VAV2: variants seen among roughly 807,000 people sequenced by gnomAD.
VAV2 encodes guanine nucleotide exchange factor VAV2.
A neutral mutation model predicts 132.5 loss-of-function variants in VAV2; 67 were observed. That is an observed-to-expected ratio of 0.51 (90% CI 0.42 to 0.62). The LOEUF (loss-of-function observed/expected upper bound fraction) is 0.62, where lower values mean the gene tolerates loss of function less well. Ranked by LOEUF, VAV2 falls within the 20% of genes least tolerant of loss-of-function variation. The probability of loss-of-function intolerance (pLI) is 0.00; values close to 1 mark genes in which losing one functional copy is unlikely to be tolerated. For missense variants in VAV2, 938 were observed against 1,153.6 expected (o/e 0.81, Z 2.71); for synonymous variants, 492 against 443.5 (o/e 1.11, Z -1.37).
At chr9:133,782,635 G>A (rs1236798102) in intron 19 of VAV2, among the ~76,000 whole-genome samples, 1 of 152,244 alleles carries the variant, frequency 6.6e-6, no homozygotes, top group African/African-American at 2.4e-5. Flanking sequence ...AAGCTGGCCT[G>A]ACTTGTTTTT....
At position 133,802,318 on chromosome 9, in the gene VAV2, G is replaced by A. The variant is rs569093291; in HGVS notation, c.836+3763C>T. On this transcript the variant is annotated intron_variant, in intron 9 of 29. Coordinates refer to ENST00000371850, the MANE Select transcript of VAV2 (RefSeq NM_001134398.2). This position sits in a 1 kb window ranked among gnomAD's most constrained non-coding sequence, Gnocchi z 5.8. ...CATGTGCACACAAACACACAAGCACGCGTGTACACACACACACACACACAC... is the reference window on the plus strand; with the variant it reads ...CATGTGCACACAAACACACAAGCACACGTGTACACACACACACACACACAC... Among the ~76,000 whole-genome samples the A allele has an allele frequency of 2.8e-3, 284 of 103,218 alleles. No homozygotes were observed. The highest frequency in any genetic ancestry group is 8.8e-3 in the African/African-American group (218 of 24,804). The allele number at this position is 103,218 out of a possible 152,430, so 67.7% of individuals were successfully genotyped here.
intron 4 of VAV2, among the ~76,000 whole-genome samples, chr9:133,828,710 C>T (rs933545196): frequency 6.6e-6 from 1 of 152,202 alleles, no homozygotes; most frequent in Non-Finnish European, 1.5e-5. Context: ...CGGGGAACTT[C>T]CACAATTCTG....
rs201765993 is a variant in VAV2, at chr9:133,776,003, T to C, written c.2018+25A>G. The C allele has an allele frequency of 4.7e-4, 741 of 1,593,222 alleles. 1 individual carries two copies. Among genetic ancestry groups the C allele is most frequent in the Non-Finnish European group, 4.9e-4 (569 of 1,166,752 alleles). Reference sequence around the variant, plus strand: ...TAACAAAGAGGCCACCAGATGCCCATGTCTGCAGCCCACGATCCACTCACC... The same window carrying C: ...TAACAAAGAGGCCACCAGATGCCCACGTCTGCAGCCCACGATCCACTCACC... On this transcript the variant is annotated intron_variant, in intron 24 of 29. Transcript: ENST00000371850.
chr9:133,972,371 G>A (rs1383880508), intron 1 of VAV2, among the ~76,000 whole-genome samples: 2 of 152,240 alleles, frequency 1.3e-5, no homozygotes, highest in Admixed American at 6.5e-5. Context: ...CAGGCGCTGC[G>A]ATGCTGGGGC....
intron 2 of VAV2, among the ~76,000 whole-genome samples, chr9:133,907,201 G>A (rs1236612907): frequency 2.6e-5 from 4 of 152,190 alleles, no homozygotes; most frequent in Non-Finnish European, 5.9e-5. Context: ...AGACACATGC[G>A]GCCCCAGCAC....
chr9:133,958,866 G>T (rs946891813), intron 1 of VAV2, among the ~76,000 whole-genome samples: 1 of 152,230 alleles, frequency 6.6e-6, no homozygotes, highest in Non-Finnish European at 1.5e-5. Flanking sequence ...CCAGGCACCA[G>T]GAAGAAAGCC....
At chr9:133,806,034 G>A (rs1268047633) in intron 9 of VAV2, 47 bp downstream of exon 9, 10 of 1,573,694 alleles carry the variant, frequency 6.4e-6, no homozygotes, top group East Asian at 4.6e-5. Context: ...AAACTCTCCC[G>A]CAGACAGGGA....
chr9:133,848,396 G>A (rs1347278659), intron 3 of VAV2, among the ~76,000 whole-genome samples: 2 of 152,096 alleles, frequency 1.3e-5, no homozygotes, highest in Non-Finnish European at 2.9e-5. Context: ...CCTGGCAGGC[G>A]CTGGAGTAGA....
intron 3 of VAV2, among the ~76,000 whole-genome samples, chr9:133,851,847 G>A (rs114246002): frequency 0.014 from 2,068 of 150,390 alleles, 51 homozygotes; most frequent in African/African-American, 0.047. Context: ...ACAAATGGGT[G>A]GATGGATGGA....
In VAV2 at chr9:133,780,696, G is replaced by C. The variant is rs776654627; in HGVS notation, c.1738C>G (p.Leu580Val). Residue 580 changes from leucine to valine, a missense_variant and splice_region_variant, in exon 20 of 30, where the codon CTG (leucine) becomes GTG (valine). Leu to Val is a conservative substitution (Grantham distance 32). Transcript: ENST00000371850. The stretch of plus-strand genomic sequence containing the variant: ...GGGGAAACACTCTGGGGACTTACCA[G>C]ATCTGCAGGAGAAGCTGGAAAGGAA... ...PPCKFTSPAD[L>V]DASGAGPGPK... 3.9e-6 allele frequency: 5 copies of C among 1,273,284 alleles called. No homozygotes were observed. In the African/African-American group the frequency reaches 6.2e-5, roughly 16 times the overall value. The allele number at this position is 1,273,284 out of a possible 1,614,324, so 78.9% of individuals were successfully genotyped here.
chr9:133,937,219 T>C (rs1296991838), intron 2 of VAV2, among the ~76,000 whole-genome samples: 1 of 152,140 alleles, frequency 6.6e-6, no homozygotes, highest in Non-Finnish European at 1.5e-5. Flanking sequence ...TGAATGTGTG[T>C]GATATGTCCG....
chr9:133,780,031 C>T (rs1564338054), intron 20 of VAV2, 92 bp from the exon 21 acceptor site: 2 of 1,555,128 alleles, frequency 1.3e-6, no homozygotes. Context: ...CCTGTCCCCA[C>T]TAGTTCCTAG....
At chr9:133,775,136 C>T in intron 24 of VAV2, 85 bp from the exon 25 acceptor site, 1 of 1,123,056 alleles carries the variant, frequency 8.9e-7, no homozygotes, top group Admixed American at 2.2e-5. Flanking sequence ...TGGCAGGCCA[C>T]ATGAAGTACT....
At chr9:133,917,588 C>T (rs1314077653) in intron 2 of VAV2, among the ~76,000 whole-genome samples, 1 of 152,194 alleles carries the variant, frequency 6.6e-6, no homozygotes, top group African/African-American at 2.4e-5. Context: ...AGAGGCCATG[C>T]AGTTGGGACT....
chr9:133,798,581 C>T (rs1359030731), intron 9 of VAV2, among the ~76,000 whole-genome samples: 1 of 152,192 alleles, frequency 6.6e-6, no homozygotes, highest in Admixed American at 6.5e-5. Context: ...CCTCTGGAGC[C>T]TCAGGGTCTT....
At chr9:133,846,379 G>A (rs971390031) in intron 3 of VAV2, among the ~76,000 whole-genome samples, 10 of 152,152 alleles carry the variant, frequency 6.6e-5, no homozygotes, top group South Asian at 4.1e-4. Flanking sequence ...ACAACCCTCC[G>A]CCACTCCCAC....
At chr9:133,846,578 G>A (rs1003120963) in intron 3 of VAV2, among the ~76,000 whole-genome samples, 2 of 112,232 alleles carry the variant, frequency 1.8e-5, no homozygotes, top group African/African-American at 3.9e-5. Context: ...GGCCCCGGCC[G>A]CTCTCTATCC....
intron 2 of VAV2, among the ~76,000 whole-genome samples, chr9:133,922,670 T>C (rs1840337757): frequency 6.6e-6 from 1 of 152,220 alleles, no homozygotes; most frequent in Admixed American, 6.5e-5. Context: ...GGTGGATCCT[T>C]ATCTTACACC....
intron 2 of VAV2, among the ~76,000 whole-genome samples, chr9:133,878,200 T>C (rs188483418): frequency 2.0e-5 from 3 of 152,334 alleles, no homozygotes; most frequent in Admixed American, 2.0e-4. Flanking sequence ...CAGGCACCTC[T>C]GCTGACATGT....
Sources: allele counts gnomAD v4.1 joint callset (sites outside exome capture counted in the v4.1 genomes callset), GRCh38; gene constraint gnomAD v4.1.1; non-coding constraint Gnocchi (gnomAD v3.1); transcripts MANE v1.5; gene names NCBI Gene and HGNC (gene_info 2026-07-23, HGNC 2026-07-21).